The following CHRNE variants were observed in gnomAD, a reference collection of about 807,000 sequenced individuals.
CHRNE encodes the protein cholinergic receptor nicotinic epsilon subunit, also known as acetylcholine receptor subunit epsilon.
Under a neutral mutation model 56.5 loss-of-function variants are expected in CHRNE, and 58 were observed. The ratio of observed to expected loss-of-function variants is 1.03; its 90% confidence interval spans 0.83 to 1.28. CHRNE has a LOEUF of 1.28. Ranked by LOEUF, CHRNE falls within the 50% of genes most tolerant of loss-of-function variation. The pLI, the probability that CHRNE is intolerant of heterozygous loss-of-function variation, is 0.00. For synonymous variants in CHRNE, 385 were observed against 297.9 expected (o/e 1.29, Z -3.01); for missense variants, 793 against 688.9 (o/e 1.15, Z -1.69).
At chr17:4,900,162 C>CT in intron 8 of CHRNE, 1 of 1,547,250 alleles carries the variant, frequency 6.5e-7, no homozygotes, top group Middle Eastern at 1.7e-4. Context: ...TACTGGGGGG[C>CT]TTAGGATACG....
intron 6 of CHRNE, 143 bp downstream of exon 6, chr17:4,901,382 G>C (rs1367504633): frequency 1.0e-6 from 1 of 962,948 alleles, no homozygotes; most frequent in Non-Finnish European, 1.6e-6. Context: ...TAACAATCGA[G>C]AATGATTTCA....
chr17:4,900,473 A>G (rs746035995), intron 8 of CHRNE: 35 of 1,551,008 alleles, frequency 2.3e-5, no homozygotes, highest in Middle Eastern at 1.7e-4. Context: ...GACAGTCGCA[A>G]CAGCAGCTAG....
upstream of CHRNE, among the ~76,000 whole-genome samples, chr17:4,908,037 G>A (rs764774367): frequency 4.6e-5 from 7 of 152,054 alleles, no homozygotes. Context: ...TTAGCCAGGG[G>A]ATTACACCTG....
chr17:4,900,830 T>G lies in CHRNE; in HGVS notation c.880A>C (p.Ile294Leu). 6.2e-7 allele frequency: 1 copy of G among 1,614,080 alleles called. No homozygotes were observed. Among genetic ancestry groups the G allele is most frequent in the Non-Finnish European group, 8.5e-7 (1 of 1,179,980 alleles). ...TVFLFLIAQK[I>L]PETSLSVPLL... ...GGCACGCTCAGAGAAGTCTCTGGGA[T>G]TTTCTGGGCAATGAGGAACAAGAAG... is the stretch of plus-strand genomic sequence containing the variant. Residue 294 changes from isoleucine (I) to leucine (L), a missense_variant, in exon 8 of 12, where the codon ATC (isoleucine) becomes CTC (leucine). Transcript: ENST00000649488.
chr17:4,904,182 T>C (rs1234539280), upstream of CHRNE, among the ~76,000 whole-genome samples: 1 of 151,794 alleles, frequency 6.6e-6, no homozygotes, highest in African/African-American at 2.4e-5. Context: ...TTTCTGTTTC[T>C]TTTTTTGTTT....
chr17:4,903,267 C>T (rs772904942), upstream of CHRNE, among the ~76,000 whole-genome samples: 1 of 152,150 alleles, frequency 6.6e-6, no homozygotes, highest in Non-Finnish European at 1.5e-5. Context: ...CTGCCCCTGC[C>T]CCGCCCCAGC....
At chr17:4,899,860 G>T in intron 8 of CHRNE, 3 of 1,550,374 alleles carry the variant, frequency 1.9e-6, no homozygotes, top group Non-Finnish European at 2.6e-6. Flanking sequence ...GCTGCACCTC[G>T]AGACCTTCTG....
intron 8 of CHRNE, 197 bp from the exon 9 acceptor site, chr17:4,899,779 G>A (rs1449685668): frequency 6.4e-7 from 1 of 1,551,230 alleles, no homozygotes. Context: ...GGGACCCCCA[G>A]CTCCCTGGAC....
upstream of CHRNE, among the ~76,000 whole-genome samples, chr17:4,903,848 G>A (rs1448591490): frequency 6.6e-6 from 1 of 152,022 alleles, no homozygotes; most frequent in Non-Finnish European, 1.5e-5. Context: ...AGATCCTTTT[G>A]ATGTTCCTTT....
At chr17:4,899,880 C>CA in intron 8 of CHRNE, 1 of 1,548,998 alleles carries the variant, frequency 6.5e-7, no homozygotes, top group Non-Finnish European at 8.7e-7. Context: ...GGGTAGGTCT[C>CA]CTGTTCGCCC....
intron 5 of CHRNE, 61 bp downstream of exon 5, chr17:4,901,871 C>T: frequency 6.7e-7 from 1 of 1,494,848 alleles, no homozygotes; most frequent in Non-Finnish European, 9.3e-7. Flanking sequence ...CCCGGTTGGC[C>T]CCGCCCCATA....
At chr17:4,901,703 G>A (rs971900941) in intron 5 of CHRNE, 78 bp from the exon 6 acceptor site, 11 of 1,442,644 alleles carry the variant, frequency 7.6e-6, no homozygotes, top group Non-Finnish European at 9.7e-6. Context: ...TGGAAGCTGG[G>A]ATCTAGCGGG....
chr17:4,902,072 G>A lies in CHRNE; in HGVS notation c.360C>T (p.Phe120=), dbSNP rs140042356. 2.0e-5 allele frequency: 32 copies of A among 1,613,890 alleles called. No individual in the cohort carries two copies. Among genetic ancestry groups the A allele is most frequent in the Non-Finnish European group, 2.6e-5 (31 of 1,180,034 alleles). ...IVLENNIDGQ[F]GVAYDANVLV... ...GCACGTTGGCGTCGTAGGCCACTCCGAACTGGCCATCAATACTGTGGGCTC... is the reference window on the plus strand; with the variant it reads ...GCACGTTGGCGTCGTAGGCCACTCCAAACTGGCCATCAATACTGTGGGCTC... The change falls in exon 5 of 12, where the codon TTC becomes TTT. Residue 120 remains phenylalanine, a synonymous_variant. Transcript: ENST00000649488. The surrounding 1 kb of genome is among the most constrained non-coding windows in gnomAD (Gnocchi z 4.0).
rs1471574099 is a variant in CHRNE at position 4,898,368 on chromosome 17, T to C, written c.*368A>G. 20 of 339,740 alleles carry C rather than the reference T, an allele frequency of 5.9e-5. No homozygotes were observed. The highest frequency in any genetic ancestry group is 8.0e-5 in the Non-Finnish European group (14 of 174,998). 21.0% of individuals were successfully genotyped at this position (339,740 alleles called of 1,614,324 possible). A position where few individuals can be genotyped will look rare whatever the true frequency, so the allele number is the denominator to read the frequency against. On this transcript the variant is annotated 3_prime_UTR_variant, in exon 12 of 12. Coordinates refer to ENST00000649488, the MANE Select transcript of CHRNE (RefSeq NM_000080.4). ...CTACAGCCTCCCTGTGTGCAAGTCC[T>C]GCAAAGGGGTCTCCTGTTTGGCTAT...
chr17:4,898,599 C>T lies in CHRNE; in HGVS notation c.*137G>A. On this transcript the variant is annotated 3_prime_UTR_variant, in exon 12 of 12. Coordinates refer to ENST00000649488, the MANE Select transcript of CHRNE (RefSeq NM_000080.4). ...GCCTACACACGCCAGGGAACGGGCACACACCATTCTTGTGAAGTTCACAAA... is the reference window on the plus strand; with the variant it reads ...GCCTACACACGCCAGGGAACGGGCATACACCATTCTTGTGAAGTTCACAAA... 7.3e-6 allele frequency: 9 copies of T among 1,232,364 alleles called. No homozygotes were observed. The South Asian group carries it at 1.2e-4, about 16-fold the overall frequency. 76.3% of individuals were successfully genotyped at this position (1,232,364 alleles called of 1,614,324 possible). A position where few individuals can be genotyped will look rare whatever the true frequency, so the allele number is the denominator to read the frequency against.
rs897774540 is a variant in CHRNE, at chr17:4,900,458, C to T, written c.917+335G>A. The stretch of plus-strand genomic sequence containing the variant: ...GGGGTCTGCAGGGGTCTGCCTCATT[C>T]CTGCGACAGTCGCAACAGCAGCTAG... On this transcript the variant is annotated intron_variant, in intron 8 of 11. Coordinates refer to ENST00000649488, the MANE Select transcript of CHRNE (RefSeq NM_000080.4). 2.6e-6 allele frequency: 4 copies of T among 1,551,004 alleles called. No homozygotes were observed. The African/African-American group carries it at 4.1e-5, about 16-fold the overall frequency.
Position 4,902,273 on chromosome 17 carries a change from T to C in CHRNE, c.288A>G (p.Glu96=). 6.2e-7 allele frequency: 1 copy of C among 1,614,146 alleles called. No homozygotes were observed. The highest frequency in any genetic ancestry group is 8.5e-7 in the Non-Finnish European group (1 of 1,180,016). ...CGAGTTCTGAAGGGACTCGCAGGGT[T>C]TCTATACCCCCAAAGTCGTCCTTGC... ...NYSKDDFGGI[E]TLRVPSELVW... is the part of the protein sequence containing the mutation. The change falls in exon 4 of 12, where the codon GAA becomes GAG. Residue 96 remains glutamate, a synonymous_variant. Coordinates refer to ENST00000649488, the MANE Select transcript of CHRNE (RefSeq NM_000080.4). This position sits in a 1 kb window ranked among gnomAD's most constrained non-coding sequence, Gnocchi z 4.0.
At position 4,898,740 on chromosome 17, in the gene CHRNE, G is replaced by A. The variant is rs368910775; in HGVS notation, c.1478C>T (p.Pro493Leu). The change falls in exon 12 of 12, where the codon CCT (proline) becomes CTT (leucine). Residue 493 changes from proline to leucine, a missense_variant. Physicochemically the swap from Pro to Leu is moderately conservative, Grantham distance 98. Transcript: ENST00000649488. Reference sequence around the variant, plus strand: ...GGAAATTGAAGTCGGTGCGAGCTAAGGCTGGATACACGGCGCGTAGGGGAG... The same window carrying A: ...GGAAATTGAAGTCGGTGCGAGCTAAAGCTGGATACACGGCGCGTAGGGGAG... ...PDLPYAPCIQ[P>L] 6.2e-7 allele frequency: 1 copy of A among 1,610,820 alleles called. No homozygotes were observed. The highest frequency in any genetic ancestry group is 2.2e-5 in the East Asian group (1 of 44,790).
At chr17:4,901,782 G>C (rs916941289) in intron 5 of CHRNE, 150 bp downstream of exon 5, 5 of 1,318,890 alleles carry the variant, frequency 3.8e-6, no homozygotes, top group South Asian at 1.2e-5. Flanking sequence ...CTGTACCTCC[G>C]GCCGCGCTGG....
Sources: gnomAD v4.1 joint callset for allele counts (sites outside exome capture counted in the v4.1 genomes callset) on GRCh38, gnomAD v4.1.1 for gene constraint, Gnocchi (gnomAD v3.1) non-coding constraint, MANE v1.5 for transcripts, NCBI Gene and HGNC (gene_info 2026-07-23, HGNC 2026-07-21) for gene names.